The following ZNF567 variants were observed in gnomAD, a reference collection of about 807,000 sequenced individuals.
ZNF567 encodes zinc finger protein 567.
ZNF567 carries 36 observed loss-of-function variants against 53.9 expected under a neutral mutation model. The observed-to-expected ratio is 0.67, with a 90% CI of 0.51 to 0.88. ZNF567 has a LOEUF of 0.88. Ranked by LOEUF, ZNF567 falls within the 40% of genes least tolerant of loss-of-function variation. The pLI is 0.00. For synonymous variants in ZNF567, 224 were observed against 260.4 expected, an observed-to-expected ratio of 0.86 and a Z score of 1.35; for missense variants, 619 against 764.7, an observed-to-expected ratio of 0.81 and a Z score of 2.25.
At chr19:36,685,636 CA>C (rs1171021742), upstream of ZNF567, 16 of 152,126 alleles carry the variant, frequency 1.1e-4, no homozygotes, top group African/African-American at 3.9e-4. Context: ...GGAATATTTT[CA>C]AGATACTGTA....
chr19:36,712,437 CA>C lies in ZNF567; in HGVS notation c.62del (p.Gln21ArgfsTer14), dbSNP rs1275531028. The C allele has an allele frequency of 6.2e-7, 1 of 1,613,952 alleles. No individual in the cohort carries two copies. Among genetic ancestry groups the C allele is most frequent in the African/African-American group, 1.3e-5 (1 of 75,042 alleles). ...TGTGGACTTCACTCAGGAGGAGTGG[CA>C]GCACCTGGATCATGCTCAGAAGACT... The part of the protein sequence containing the change: ...VTVDFTQEEW[Q>X]HLDHAQKTLY... On this transcript the variant is annotated frameshift_variant, in exon 4 of 6. Transcript: ENST00000682579. LOFTEE classifies it high-confidence loss of function.
At chr19:36,667,569 C>T in the ZNF567 span, among the ~76,000 whole-genome samples, 1 of 149,274 alleles carries the variant, frequency 6.7e-6, no homozygotes, top group Non-Finnish European at 1.5e-5. Context: ...ACAGAGTCTT[C>T]TTGCCCTGTT....
chr19:36,667,330 C>A, the ZNF567 span, among the ~76,000 whole-genome samples: 6,978 of 151,864 alleles, frequency 0.046, 461 homozygotes, highest in African/African-American at 0.14. Context: ...TGGAGAAACC[C>A]CGTCTCTACT....
upstream of ZNF567, chr19:36,685,831 G>GCTTGC (rs1312841602): frequency 6.6e-6 from 1 of 152,236 alleles, no homozygotes; most frequent in African/African-American, 2.4e-5. Flanking sequence ...TTTGGGCTTG[G>GCTTGC]CTTGCCTGAG....
downstream of ZNF567, among the ~76,000 whole-genome samples, chr19:36,724,810 T>C (rs1355524683): frequency 6.6e-6 from 1 of 151,648 alleles, no homozygotes; most frequent in African/African-American, 2.4e-5. Flanking sequence ...ATTGTGCCAC[T>C]GCACTCCAGC....
chr19:36,672,507 T>C, the ZNF567 span, among the ~76,000 whole-genome samples: 1 of 152,154 alleles, frequency 6.6e-6, no homozygotes, highest in Non-Finnish European at 1.5e-5. Context: ...AATTGGCTCA[T>C]GAACAAAGTG....
chr19:36,718,898 A>G lies in ZNF567; in HGVS notation c.224-50A>G, dbSNP rs779660036. 6.9e-6 allele frequency: 10 copies of G among 1,442,046 alleles called. No individual in the cohort carries two copies. In the South Asian group the frequency reaches 1.3e-4, roughly 19 times the overall value. The allele number at this position is 1,442,046 out of a possible 1,614,324, so 89.3% of individuals were successfully genotyped here. ...AGACCCTAGTAAAATTTCTTTGCAT[A>G]GGAAATGTGTGAAGATTCACAAATT... is the stretch of plus-strand genomic sequence containing the variant. On this transcript the variant is annotated intron_variant, in intron 5 of 5. Coordinates refer to ENST00000682579, the MANE Select transcript of ZNF567 (RefSeq NM_001322917.1).
At chr19:36,724,060 G>A (rs2145938129), downstream of ZNF567, among the ~76,000 whole-genome samples, 1 of 137,864 alleles carries the variant, frequency 7.3e-6, no homozygotes, top group South Asian at 2.3e-4. Flanking sequence ...AGGCTGGAGT[G>A]CAATGGTGCG....
chr19:36,718,119 TAATC>T (rs2040144697), intron 5 of ZNF567, among the ~76,000 whole-genome samples: 2 of 152,302 alleles, frequency 1.3e-5, no homozygotes, highest in South Asian at 2.1e-4. Context: ...AAAGCTAAAT[TAATC>T]AATGTTGACT....
chr19:36,705,722 G>T (rs1210497144), intron 3 of ZNF567, among the ~76,000 whole-genome samples: 1 of 152,072 alleles, frequency 6.6e-6, no homozygotes, highest in Non-Finnish European at 1.5e-5. Flanking sequence ...TATTCTTATT[G>T]TTCTTCAGTC....
At chr19:36,702,561 C>G (rs1234266368) in intron 3 of ZNF567, among the ~76,000 whole-genome samples, 8 of 152,080 alleles carry the variant, frequency 5.3e-5, no homozygotes, top group African/African-American at 1.9e-4. Flanking sequence ...TTCAGGTACA[C>G]CAATCAGACG....
chr19:36,704,516 T>C (rs552110072), intron 3 of ZNF567, among the ~76,000 whole-genome samples: 44 of 152,280 alleles, frequency 2.9e-4, no homozygotes, highest in African/African-American at 1.1e-3. Context: ...TATAATGAAT[T>C]ATGTTGATTG....
chr19:36,708,601 TA>T (rs1417769186), intron 3 of ZNF567, among the ~76,000 whole-genome samples: 1 of 152,202 alleles, frequency 6.6e-6, no homozygotes, highest in Non-Finnish European at 1.5e-5. Flanking sequence ...TTCACTGCCC[TA>T]AAAATCCTCT....
chr19:36,720,805 G>C lies in ZNF567; in HGVS notation c.*137G>C. 1.4e-6 allele frequency: 1 copy of C among 726,294 alleles called. No homozygotes were observed. Among genetic ancestry groups the C allele is most frequent in the South Asian group, 3.3e-5 (1 of 29,854 alleles). 45.0% of individuals were successfully genotyped at this position (726,294 alleles called of 1,614,324 possible). ...TATTAAAGTACCATACGGAATAACT[G>C]TCTACTGTTTACTAGCATATAAAAT... On this transcript the variant is annotated 3_prime_UTR_variant, in exon 6 of 6. Coordinates refer to ENST00000682579, the MANE Select transcript of ZNF567 (RefSeq NM_001322917.1).
chr19:36,682,716 TCCTCCCTCAG>T (rs1286699752), upstream of ZNF567, among the ~76,000 whole-genome samples: 1 of 151,294 alleles, frequency 6.6e-6, no homozygotes, highest in Non-Finnish European at 1.5e-5. Flanking sequence ...CACGCCATTC[TCCTCCCTCAG>T]CCTCCCGAGT....
upstream of ZNF567, among the ~76,000 whole-genome samples, chr19:36,683,969 T>A (rs1376029246): frequency 6.6e-6 from 1 of 152,340 alleles, no homozygotes; most frequent in Non-Finnish European, 1.5e-5. Flanking sequence ...AAACAGGTTT[T>A]AACTATGAAA....
intron 3 of ZNF567, among the ~76,000 whole-genome samples, chr19:36,703,337 T>TG (rs35641493): frequency 0.046 from 6,967 of 151,286 alleles, 456 homozygotes; most frequent in African/African-American, 0.14. Context: ...CTGCCCCTAC[T>TG]GGGGGGGGTG....
At chr19:36,708,174 G>A (rs1032037879) in intron 3 of ZNF567, among the ~76,000 whole-genome samples, 4 of 152,190 alleles carry the variant, frequency 2.6e-5, no homozygotes, top group Non-Finnish European at 4.4e-5. Flanking sequence ...ACTGGCATGA[G>A]CCACTGTGCC....
At chr19:36,675,035 G>C in the ZNF567 span, among the ~76,000 whole-genome samples, 1 of 152,188 alleles carries the variant, frequency 6.6e-6, no homozygotes, top group African/African-American at 2.4e-5. Flanking sequence ...TTATAGGCGT[G>C]AGCCACTGCA....
Sources: allele counts gnomAD v4.1 joint callset (sites outside exome capture counted in the v4.1 genomes callset), GRCh38; gene constraint gnomAD v4.1.1; transcripts MANE v1.5; gene names NCBI Gene and HGNC (gene_info 2026-07-23, HGNC 2026-07-21).